Variants in ZNF385B observed in about 807,000 individuals in gnomAD.
ZNF385B encodes the protein zinc finger protein 533.
A neutral mutation model predicts 39.2 loss-of-function variants in ZNF385B; 23 were observed. That is an observed-to-expected ratio of 0.59 (90% CI 0.42 to 0.83). The LOEUF (loss-of-function observed/expected upper bound fraction) is 0.83. Ranked by LOEUF, ZNF385B falls within the 40% of genes least tolerant of loss-of-function variation. The pLI is 0.00. For synonymous variants in ZNF385B, 205 were observed against 222.6 expected (o/e 0.92, Z 0.70); for missense variants, 552 against 598.9 (o/e 0.92, Z 0.82).
chr2:179,562,839 A>G (rs1272224279), intron 3 of ZNF385B, among the ~76,000 whole-genome samples: 1 of 152,182 alleles, frequency 6.6e-6, no homozygotes, highest in East Asian at 1.9e-4. Context: ...ACAGTTTGGA[A>G]TTTTCAGTAT....
chr2:179,554,116 G>A (rs78994047), intron 3 of ZNF385B, among the ~76,000 whole-genome samples: 1 of 149,054 alleles, frequency 6.7e-6, no homozygotes, highest in African/African-American at 2.5e-5. Flanking sequence ...TCCTCAACCT[G>A]TGCCTGATAC....
At chr2:179,653,644 T>C (rs979006486) in intron 3 of ZNF385B, among the ~76,000 whole-genome samples, 27 of 152,306 alleles carry the variant, frequency 1.8e-4, no homozygotes, top group African/African-American at 5.8e-4. Context: ...AATCAGGTCC[T>C]GCTACTTTAT....
At chr2:179,462,559 A>G (rs143122597) in intron 6 of ZNF385B, among the ~76,000 whole-genome samples, 159 of 152,312 alleles carry the variant, frequency 1.0e-3, no homozygotes, top group African/African-American at 3.6e-3. Context: ...TTAAGGTAGA[A>G]TTCCATTAAG....
intron 3 of ZNF385B, among the ~76,000 whole-genome samples, chr2:179,553,754 C>T (rs940166990): frequency 1.3e-5 from 2 of 149,366 alleles, no homozygotes; most frequent in African/African-American, 2.5e-5. Flanking sequence ...AAGCTTAAAG[C>T]GGTTCTTTTC....
intron 6 of ZNF385B, among the ~76,000 whole-genome samples, chr2:179,450,432 G>C (rs2049992829): frequency 1.3e-5 from 2 of 152,086 alleles, no homozygotes; most frequent in African/African-American, 4.8e-5. Flanking sequence ...ATCAAAAAGT[G>C]GGCGAAGGAT....
chr2:179,589,410 T>C (rs1687367687), intron 3 of ZNF385B, among the ~76,000 whole-genome samples: 2 of 152,036 alleles, frequency 1.3e-5, no homozygotes, highest in African/African-American at 2.4e-5. Context: ...ATGTATTCCA[T>C]AGGGAAAGAA....
At chr2:179,608,927 T>C (rs1269938060) in intron 3 of ZNF385B, among the ~76,000 whole-genome samples, 2 of 128,946 alleles carry the variant, frequency 1.6e-5, no homozygotes, top group East Asian at 1.0e-3. Flanking sequence ...CTTTATTTTC[T>C]TTAAAAAAAA....
intron 3 of ZNF385B, among the ~76,000 whole-genome samples, chr2:179,762,421 A>AC (rs1299986109): frequency 5.9e-5 from 9 of 152,026 alleles, no homozygotes; most frequent in African/African-American, 2.2e-4. Context: ...CAAACTGCTG[A>AC]CCTCAGGTGC....
chr2:179,489,781 T>A (rs906053325), intron 5 of ZNF385B, among the ~76,000 whole-genome samples: 8 of 152,228 alleles, frequency 5.3e-5, no homozygotes, highest in Admixed American at 3.9e-4. Context: ...TTTGCAATTG[T>A]AAGGCCTGCA....
chr2:179,843,035 G>A lies in ZNF385B; in HGVS notation c.-155+18066C>T, dbSNP rs540575936. ...CCAAAACTCTGCCACAGCATTGAGG[G>A]TGCTCCAAAGATGCAGACCATTGTA... On this transcript the variant is annotated intron_variant, in intron 1 of 9. Transcript: ENST00000410066. Among the ~76,000 whole-genome samples the A allele has an allele frequency of 3.3e-5, 5 of 152,240 alleles. No homozygotes were observed. In the East Asian group the frequency reaches 9.7e-4, roughly 29 times the overall value.
At chr2:179,776,783 G>A (rs1704347634) in intron 1 of ZNF385B, among the ~76,000 whole-genome samples, 1 of 152,114 alleles carries the variant, frequency 6.6e-6, no homozygotes, top group Non-Finnish European at 1.5e-5. Flanking sequence ...AAATGTTCAG[G>A]GCGGGAAAAC....
At chr2:179,807,345 C>G (rs879901543) in intron 1 of ZNF385B, among the ~76,000 whole-genome samples, 13 of 152,136 alleles carry the variant, frequency 8.5e-5, no homozygotes, top group Admixed American at 8.5e-4. Flanking sequence ...CATCTATAAT[C>G]CCAGCACTTT....
chr2:179,543,820 G>A (rs1377069593), intron 4 of ZNF385B, among the ~76,000 whole-genome samples: 1 of 152,242 alleles, frequency 6.6e-6, no homozygotes, highest in East Asian at 1.9e-4. Context: ...CTGACAGAGG[G>A]CCTGTCAGCA....
intron 3 of ZNF385B, among the ~76,000 whole-genome samples, chr2:179,550,985 A>T (rs567032008): frequency 1.9e-4 from 29 of 152,116 alleles, no homozygotes; most frequent in Non-Finnish European, 4.0e-4. Context: ...TCAATGCAAA[A>T]GGTGATACAA....
At chr2:179,713,731 A>G (rs1700149794) in intron 3 of ZNF385B, among the ~76,000 whole-genome samples, 1 of 152,232 alleles carries the variant, frequency 6.6e-6, no homozygotes, top group Non-Finnish European at 1.5e-5. Flanking sequence ...GATTGACTGA[A>G]TAAATGCATG....
At chr2:179,448,680 C>A (rs1011937932) in intron 6 of ZNF385B, among the ~76,000 whole-genome samples, 1 of 151,998 alleles carries the variant, frequency 6.6e-6, no homozygotes, top group African/African-American at 2.4e-5. Context: ...GGAAACTGAG[C>A]CTTTTCAAAA....
chr2:179,672,057 G>A (rs1696083672), intron 3 of ZNF385B, among the ~76,000 whole-genome samples: 1 of 152,256 alleles, frequency 6.6e-6, no homozygotes, highest in Non-Finnish European at 1.5e-5. Flanking sequence ...ACAAAGCAGT[G>A]TGGACAGGGC....
At chr2:179,647,000 T>A (rs1692775134) in intron 3 of ZNF385B, among the ~76,000 whole-genome samples, 1 of 152,236 alleles carries the variant, frequency 6.6e-6, no homozygotes, top group African/African-American at 2.4e-5. Context: ...CAGCTTTGAC[T>A]TTTAGACAGA....
chr2:179,703,049 A>C (rs933389697), intron 3 of ZNF385B, among the ~76,000 whole-genome samples: 1 of 152,376 alleles, frequency 6.6e-6, no homozygotes, highest in South Asian at 2.1e-4. Context: ...CACAGTAGCC[A>C]GGAAGATTCT....
Sources: allele counts gnomAD v4.1 joint callset (sites outside exome capture counted in the v4.1 genomes callset), GRCh38; gene constraint gnomAD v4.1.1; transcripts MANE v1.5; gene names NCBI Gene and HGNC (gene_info 2026-07-23, HGNC 2026-07-21).